EIPR1: variants seen among roughly 807,000 people sequenced by gnomAD.
The protein encoded by EIPR1 is EARP complex and GARP complex interacting protein 1.
Under a neutral mutation model 48.1 loss-of-function variants are expected in EIPR1, and 25 were observed. That is an observed-to-expected ratio of 0.52 (90% confidence interval 0.38 to 0.73). EIPR1 has a LOEUF of 0.73. Ranked by LOEUF, EIPR1 falls within the 30% of genes least tolerant of loss-of-function variation. The pLI is 0.00. For missense variants in EIPR1, 415 were observed against 506.2 expected, an observed-to-expected ratio of 0.82 and a Z score of 1.73; for synonymous variants, 204 against 201.9, an observed-to-expected ratio of 1.01 and a Z score of -0.09.
In EIPR1 at chr2:3,226,053, G is replaced by A. The variant is rs535339879; in HGVS notation, c.417-11805C>T. 4.6e-5 allele frequency among the ~76,000 whole-genome samples: 7 copies of A among 152,282 alleles called. No homozygotes were observed. The South Asian group carries it at 1.5e-3, about 32-fold the overall frequency. On this transcript the variant is annotated intron_variant, in intron 4 of 8. Coordinates refer to ENST00000382125, the MANE Select transcript of EIPR1 (RefSeq NM_003310.5). Reference sequence around the variant, plus strand: ...CCCTTCATCTGTCAAATGGACAATTGCGTATTTTCTACATCTTGGCTACTG... The same window carrying A: ...CCCTTCATCTGTCAAATGGACAATTACGTATTTTCTACATCTTGGCTACTG...
intron 4 of EIPR1, among the ~76,000 whole-genome samples, chr2:3,244,872 G>T (rs1372042442): frequency 1.3e-5 from 2 of 152,158 alleles, no homozygotes; most frequent in Non-Finnish European, 2.9e-5. Context: ...ACACCCATTT[G>T]CTTCATAAAA....
At chr2:3,240,173 G>GC (rs879508438) in intron 4 of EIPR1, among the ~76,000 whole-genome samples, 3,392 of 35,486 alleles carry the variant, frequency 0.096, 201 homozygotes, top group Admixed American at 0.13. Flanking sequence ...CTAAAGCAAA[G>GC]CAGCAGATCC....
chr2:3,363,640 G>T (rs1670902744), intron 1 of EIPR1, among the ~76,000 whole-genome samples: 1 of 152,082 alleles, frequency 6.6e-6, no homozygotes, highest in Non-Finnish European at 1.5e-5. Flanking sequence ...AGCAGAGACT[G>T]CACCCCTGCA....
chr2:3,374,065 A>T (rs1415940981), intron 1 of EIPR1, among the ~76,000 whole-genome samples: 2 of 142,378 alleles, frequency 1.4e-5, no homozygotes, highest in African/African-American at 5.0e-5. Context: ...AGCCCTCAGA[A>T]ATAATGCCGC....
At chr2:3,198,882 T>C (rs1259418371) in intron 5 of EIPR1, among the ~76,000 whole-genome samples, 3 of 152,100 alleles carry the variant, frequency 2.0e-5, no homozygotes, top group African/African-American at 2.4e-5. Context: ...TGTGCTTGCA[T>C]TGTCATTGAT....
chr2:3,193,602 G>A (rs1664687591), intron 7 of EIPR1, among the ~76,000 whole-genome samples: 1 of 152,206 alleles, frequency 6.6e-6, no homozygotes, highest in African/African-American at 2.4e-5. Flanking sequence ...ACATAGAGAT[G>A]CTCCACATTC....
At chr2:3,222,543 G>A (rs896955325) in intron 4 of EIPR1, among the ~76,000 whole-genome samples, 1 of 152,084 alleles carries the variant, frequency 6.6e-6, no homozygotes, top group East Asian at 1.9e-4. Flanking sequence ...AACTGGCTTC[G>A]AGTTCTCACA....
intron 1 of EIPR1, among the ~76,000 whole-genome samples, chr2:3,360,950 G>A (rs924595713): frequency 1.3e-5 from 2 of 152,064 alleles, no homozygotes; most frequent in African/African-American, 4.8e-5. Context: ...GAGAAGGGAG[G>A]AGGGAGGAAG....
chr2:3,252,150 C>T (rs1667018762), intron 4 of EIPR1, among the ~76,000 whole-genome samples: 1 of 152,248 alleles, frequency 6.6e-6, no homozygotes, highest in Non-Finnish European at 1.5e-5. Flanking sequence ...GGAGTGTCCG[C>T]CCTGTGCTGT....
At position 3,342,577 on chromosome 2, in the gene EIPR1, T is replaced by C. The variant is rs563300824; in HGVS notation, c.127-4428A>G. Among the ~76,000 whole-genome samples, 14 of 152,356 alleles carry C rather than the reference T, an allele frequency of 9.2e-5. No individual in the cohort carries two copies. In the South Asian group the frequency reaches 2.9e-3, roughly 32 times the overall value. On this transcript the variant is annotated intron_variant, in intron 2 of 8. Transcript: ENST00000382125. ...CAGCAGACCCTCTCTCCCAGTCTCC[T>C]GCCTCCACCTGGGCCCGCCTTTCTT...
rs987995919 is a variant in EIPR1 at position 3,377,716 on chromosome 2, C to A, written c.-27G>T. ...CTGCGGGGAAGCGACCCGACCCCGG[C>A]CACTCACACGCTAAGGACCTCGCTA... On this transcript the variant is annotated 5_prime_UTR_variant, in exon 1 of 9. Transcript: ENST00000382125. The A allele has an allele frequency of 2.5e-6, 4 of 1,569,058 alleles. No homozygotes were observed. Among genetic ancestry groups the A allele is most frequent in the Admixed American group, 3.7e-5 (2 of 53,984 alleles).
intron 3 of EIPR1, among the ~76,000 whole-genome samples, chr2:3,328,905 CT>C (rs1164934437): frequency 1.4e-5 from 2 of 146,868 alleles, no homozygotes; most frequent in Non-Finnish European, 1.5e-5. Context: ...GGGTGCCAGC[CT>C]GGGCTCCCCT....
At chr2:3,233,691 C>T (rs1275023786) in intron 4 of EIPR1, among the ~76,000 whole-genome samples, 4 of 152,212 alleles carry the variant, frequency 2.6e-5, no homozygotes, top group African/African-American at 9.6e-5. Context: ...ATTGCTTCTT[C>T]ATTCATTGCA....
At chr2:3,193,625 C>T (rs375703017) in intron 7 of EIPR1, among the ~76,000 whole-genome samples, 4 of 152,340 alleles carry the variant, frequency 2.6e-5, no homozygotes, top group African/African-American at 9.6e-5. Flanking sequence ...CCGACAGCTG[C>T]ATCATCTCCA....
At chr2:3,275,739 TG>T (rs1667828840) in intron 3 of EIPR1, among the ~76,000 whole-genome samples, 1 of 141,328 alleles carries the variant, frequency 7.1e-6, no homozygotes, top group African/African-American at 2.7e-5. Flanking sequence ...AATACATCCT[TG>T]TGAGAGGCAG....
chr2:3,375,427 G>A (rs1001546907), intron 1 of EIPR1, among the ~76,000 whole-genome samples: 1 of 152,042 alleles, frequency 6.6e-6, no homozygotes, highest in Non-Finnish European at 1.5e-5. Context: ...TAACATTTCA[G>A]TTAACCTCAA....
chr2:3,303,686 C>A (rs1668825401), intron 3 of EIPR1, among the ~76,000 whole-genome samples: 1 of 152,192 alleles, frequency 6.6e-6, no homozygotes, highest in African/African-American at 2.4e-5. Flanking sequence ...CACAAACCCG[C>A]CAGACGCCGG....
intron 3 of EIPR1, among the ~76,000 whole-genome samples, chr2:3,284,170 G>A (rs1668104838): frequency 2.6e-5 from 4 of 151,022 alleles, no homozygotes; most frequent in South Asian, 2.1e-4. Context: ...AGGCACAGAA[G>A]GCCGTGCCAC....
intron 4 of EIPR1, among the ~76,000 whole-genome samples, chr2:3,245,879 G>A (rs139673985): frequency 6.6e-6 from 1 of 152,276 alleles, no homozygotes; most frequent in East Asian, 1.9e-4. Flanking sequence ...AGCAATGTAG[G>A]GAGACCTCAT....
Sources: gnomAD v4.1 joint callset for allele counts (sites outside exome capture counted in the v4.1 genomes callset) on GRCh38, gnomAD v4.1.1 for gene constraint, MANE v1.5 for transcripts, NCBI Gene and HGNC (gene_info 2026-07-23, HGNC 2026-07-21) for gene names.